DNMT3A: variants seen among roughly 807,000 people sequenced by gnomAD.
DNMT3A encodes the protein DNA (cytosine-5)-methyltransferase 3A.
A neutral mutation model predicts 117.6 loss-of-function variants in DNMT3A; 267 were observed. The ratio of observed to expected loss-of-function variants is 2.27; its 90% confidence interval spans 2.05 to 2.51. The LOEUF (loss-of-function observed/expected upper bound fraction) is 2.51, where lower values mean the gene tolerates loss of function less well. DNMT3A is among the 30% of genes most tolerant of loss of function. The pLI is 0.00. For missense variants in DNMT3A, 1,029 were observed against 1,260.2 expected, an observed-to-expected ratio of 0.82 and a Z score of 2.78; for synonymous variants, 432 against 474.8, an observed-to-expected ratio of 0.91 and a Z score of 1.17.
intron 1 of DNMT3A, among the ~76,000 whole-genome samples, chr2:25,316,814 C>T (rs1005063286): frequency 2.0e-5 from 3 of 152,202 alleles, no homozygotes; most frequent in African/African-American, 7.2e-5. Flanking sequence ...GCCAAGAACC[C>T]TACCACCATG....
chr2:25,247,597 G>GA lies in DNMT3A; in HGVS notation c.1007dup (p.Ser337LeufsTer6). On this transcript the variant is annotated frameshift_variant, in exon 8 of 23. Coordinates refer to ENST00000321117, the MANE Select transcript of DNMT3A (RefSeq NM_022552.5). LOFTEE classifies it high-confidence loss of function. This position sits in a 1 kb window ranked among gnomAD's most constrained non-coding sequence, Gnocchi z 5.6. The stretch of plus-strand genomic sequence containing the variant: ...GCCAAACCCCACAACTTACCACTGA[G>GA]AATTTGCCGTCTCCGAACCACATGA... 6.2e-7 allele frequency: 1 copy of GA among 1,613,916 alleles called. No homozygotes were observed. Among genetic ancestry groups the GA allele is most frequent in the Non-Finnish European group, 8.5e-7 (1 of 1,179,964 alleles).
chr2:25,275,191 G>C (rs2149366092), intron 5 of DNMT3A, 104 bp from the exon 6 acceptor site: 1 of 1,424,460 alleles, frequency 7.0e-7, no homozygotes, highest in African/African-American at 1.4e-5. Flanking sequence ...CCTGGCCAGA[G>C]AGGGCACCCC....
At chr2:25,273,722 AC>A (rs1288896755) in intron 6 of DNMT3A, among the ~76,000 whole-genome samples, 3 of 151,504 alleles carry the variant, frequency 2.0e-5, no homozygotes, top group South Asian at 2.1e-4. Context: ...CACCTCCCCG[AC>A]CCCCACAGAA....
At chr2:25,284,693 AAAAT>A (rs1476328278) in intron 3 of DNMT3A, among the ~76,000 whole-genome samples, 1 of 150,394 alleles carries the variant, frequency 6.6e-6, no homozygotes, top group Non-Finnish European at 1.5e-5. Flanking sequence ...CAAAAAAAAA[AAAAT>A]AATGCTAAAA....
chr2:25,308,386 G>A (rs2033896293), intron 2 of DNMT3A, among the ~76,000 whole-genome samples: 1 of 151,966 alleles, frequency 6.6e-6, no homozygotes, highest in African/African-American at 2.4e-5. Context: ...CTTCTGCAGG[G>A]GCCAAACAAC....
chr2:25,323,982 C>G (rs1317597183), intron 1 of DNMT3A, among the ~76,000 whole-genome samples: 1 of 152,222 alleles, frequency 6.6e-6, no homozygotes, highest in African/African-American at 2.4e-5. Context: ...GCTCACAGCT[C>G]TCCACTCCCT....
At chr2:25,239,541 G>T in intron 19 of DNMT3A, 1 of 558,478 alleles carries the variant, frequency 1.8e-6, no homozygotes, top group East Asian at 3.9e-5. Context: ...TGATTGAGGA[G>T]CTGAATGGTT....
chr2:25,280,916 C>T (rs993172524), intron 4 of DNMT3A, among the ~76,000 whole-genome samples: 1 of 152,146 alleles, frequency 6.6e-6, no homozygotes, highest in South Asian at 2.1e-4. Context: ...GAAGGAATGC[C>T]GTGACCCTGG....
At chr2:25,278,092 G>C (rs115818737) in intron 4 of DNMT3A, among the ~76,000 whole-genome samples, 310 of 151,622 alleles carry the variant, frequency 2.0e-3, no homozygotes, top group African/African-American at 7.3e-3. Context: ...GGCACTTGTC[G>C]TGAGTCAGGG....
chr2:25,338,471 G>A (rs779948091), intron 1 of DNMT3A, among the ~76,000 whole-genome samples: 1 of 152,210 alleles, frequency 6.6e-6, no homozygotes, highest in African/African-American at 2.4e-5. Flanking sequence ...GTGACCCTGA[G>A]GAGCTGGCCT....
At chr2:25,316,734 G>A (rs1251153870) in intron 1 of DNMT3A, among the ~76,000 whole-genome samples, 1 of 152,170 alleles carries the variant, frequency 6.6e-6, no homozygotes, top group East Asian at 1.9e-4. Flanking sequence ...GGCTGCTTCC[G>A]ATACCAAAGC....
Position 25,230,833 on chromosome 2 carries a change from A to G in DNMT3A, c.*3446T>C, listed in dbSNP as rs1369775775. The G allele has an allele frequency of 8.5e-6, 1 of 117,742 alleles. No individual in the cohort carries two copies. The highest frequency in any genetic ancestry group is 1.6e-5 in the Non-Finnish European group (1 of 62,278). 7.3% of individuals were successfully genotyped at this position (117,742 alleles called of 1,614,324 possible). A position where few individuals can be genotyped will look rare whatever the true frequency, so the allele number is the denominator to read the frequency against. ...CCATGACCCCTGGGGCATCTGGTCC[A>G]TTCTAGGGCCTGGTCAAGTGGCTAG... On this transcript the variant is annotated 3_prime_UTR_variant, in exon 23 of 23. Coordinates refer to ENST00000321117, the MANE Select transcript of DNMT3A (RefSeq NM_022552.5).
intron 1 of DNMT3A, among the ~76,000 whole-genome samples, chr2:25,335,733 G>A (rs1429168293): frequency 6.6e-6 from 1 of 152,182 alleles, no homozygotes; most frequent in African/African-American, 2.4e-5. Flanking sequence ...TCCCCTCTGT[G>A]CACTCAGACG....
intron 3 of DNMT3A, among the ~76,000 whole-genome samples, chr2:25,295,150 A>G (rs2033012846): frequency 6.6e-6 from 1 of 152,178 alleles, no homozygotes; most frequent in Admixed American, 6.5e-5. Context: ...GCTGGCAACC[A>G]GGCAGGAACC....
intron 2 of DNMT3A, among the ~76,000 whole-genome samples, chr2:25,312,088 G>C (rs779915021): frequency 2.0e-5 from 3 of 152,186 alleles, no homozygotes; most frequent in Non-Finnish European, 2.9e-5. Context: ...ATGGGGAGCT[G>C]CGTCAGCAAC....
rs1007891128 is a variant in DNMT3A, at chr2:25,337,564, C to T, written c.-178+4262G>A. Reference sequence around the variant, plus strand: ...TGTCAGAGTGCAGCTCCCTGTGACTCGAGGGCCTCAAGCTGCCTTGACACT... The same window carrying T: ...TGTCAGAGTGCAGCTCCCTGTGACTTGAGGGCCTCAAGCTGCCTTGACACT... On this transcript the variant is annotated intron_variant, in intron 1 of 22. Transcript: ENST00000321117. The surrounding 1 kb of genome is among the most constrained non-coding windows in gnomAD (Gnocchi z 5.0). 7.2e-5 allele frequency among the ~76,000 whole-genome samples: 11 copies of T among 152,270 alleles called. No homozygotes were observed. The highest frequency in any genetic ancestry group is 2.1e-4 in the South Asian group (1 of 4,816).
intron 16 of DNMT3A, among the ~76,000 whole-genome samples, chr2:25,243,391 A>G (rs1573323112): frequency 6.6e-6 from 1 of 152,358 alleles, no homozygotes; most frequent in African/African-American, 2.4e-5. Context: ...AACCGTGTGC[A>G]TTCACTACCC....
chr2:25,297,083 G>T (rs1421459990), intron 3 of DNMT3A, among the ~76,000 whole-genome samples: 1 of 152,154 alleles, frequency 6.6e-6, no homozygotes, highest in Non-Finnish European at 1.5e-5. Context: ...CTGTGCTCCT[G>T]CATGGGAGGG....
chr2:25,235,886 T>C (rs958748836), intron 21 of DNMT3A, 61 bp from the exon 22 acceptor site: 6 of 1,439,580 alleles, frequency 4.2e-6, no homozygotes, highest in Non-Finnish European at 5.9e-6. Context: ...ACACTGGTCA[T>C]GCGTCTACCA....
Sources: allele counts gnomAD v4.1 joint callset (sites outside exome capture counted in the v4.1 genomes callset), GRCh38; gene constraint gnomAD v4.1.1; non-coding constraint Gnocchi (gnomAD v3.1); transcripts MANE v1.5; gene names NCBI Gene and HGNC (gene_info 2026-07-23, HGNC 2026-07-21).